Variants in PLEC observed in about 807,000 individuals in gnomAD.
PLEC encodes plectin, also known as hemidesmosomal protein 1.
A neutral mutation model predicts 392.8 loss-of-function variants in PLEC; 216 were observed. The observed-to-expected ratio is 0.55, with a 90% CI of 0.49 to 0.62. PLEC has a LOEUF of 0.62. Ranked by LOEUF, PLEC falls within the 20% of genes least tolerant of loss-of-function variation. PLEC has a pLI of 0.00. For missense variants in PLEC, 6,863 were observed against 6,563.4 expected (o/e 1.05, Z -1.58); for synonymous variants, 3,621 against 2,980.6 (o/e 1.21, Z -7.00).
chr8:143,943,808 C>T (rs1554730544), upstream of PLEC: 1 of 1,612,348 alleles, frequency 6.2e-7, no homozygotes, highest in Non-Finnish European at 8.5e-7. Context: ...CCGACGTCCC[C>T]TGCGCCAGTG....
At chr8:143,937,553 T>C in intron 3 of PLEC, 2 of 496,706 alleles carry the variant, frequency 4.0e-6, no homozygotes, top group South Asian at 2.0e-5. Context: ...TGCCTGGCGG[T>C]GGCAGCCACA....
chr8:143,929,006 A>C (rs926160507), intron 25 of PLEC, 97 bp downstream of exon 25: 1 of 1,138,164 alleles, frequency 8.8e-7, no homozygotes, highest in Non-Finnish European at 1.3e-6. Flanking sequence ...AACAGCCCCC[A>C]ACTCGTTCCC....
At chr8:143,936,135 A>C in intron 5 of PLEC, 121 bp from the exon 6 acceptor site, 2 of 1,138,278 alleles carry the variant, frequency 1.8e-6, no homozygotes, top group Non-Finnish European at 2.6e-6. Flanking sequence ...TGGGGCCACC[A>C]AACCAGCCAG....
Position 143,922,826 on chromosome 8 carries a change from A to T in PLEC, c.7103T>A (p.Leu2368Gln). The T allele has an allele frequency of 6.3e-7, 1 of 1,584,166 alleles. No homozygotes were observed. Among genetic ancestry groups the T allele is most frequent in the Non-Finnish European group, 8.6e-7 (1 of 1,167,686 alleles). The change falls in exon 31 of 32, where the codon CTG (leucine) becomes CAG (glutamine). Residue 2368 changes from leucine (L) to glutamine (Q), a missense_variant. Physicochemically the swap from Leu to Gln is moderately radical, Grantham distance 113. Coordinates refer to ENST00000345136, the MANE Select transcript of PLEC (RefSeq NM_201384.3). Reference sequence around the variant, plus strand: ...CAGCTGCCGCTGCCGCTCGGCCTCCAGCGTCCGCTGGAAGCCCTGCGTCTC... The same window carrying T: ...CAGCTGCCGCTGCCGCTCGGCCTCCTGCGTCCGCTGGAAGCCCTGCGTCTC... The part of the protein sequence containing the change: ...AEETQGFQRT[L>Q]EAERQRQLEM...
At chr8:143,927,385 C>G in intron 27 of PLEC, 25 bp downstream of exon 27, 2 of 1,608,704 alleles carry the variant, frequency 1.2e-6, no homozygotes, top group Middle Eastern at 1.7e-4. Context: ...GCCCAGCCGC[C>G]CCGTCCCCAC....
Position 143,932,690 on chromosome 8 carries a change from C to T in PLEC, c.1760G>A (p.Arg587Gln), listed in dbSNP as rs200259757. Residue 587 changes from arginine (R) to glutamine (Q), a missense_variant, in exon 15 of 32, where the codon CGG becomes CAG. Transcript: ENST00000345136. ...SDEGQLSPAT[R>Q]GAYRDCLGRL... ...ACCCAGGCAGTCACGGTAGGCACCC[C>T]GGGTGGCGGGGGAGAGCTGGCCCTG... The T allele has an allele frequency of 1.4e-4, 220 of 1,608,132 alleles. No homozygotes were observed. Among genetic ancestry groups the T allele is most frequent in the Admixed American group, 7.4e-4 (44 of 59,432 alleles).
chr8:143,972,257 G>C (rs1006598304), intron 1 of PLEC, among the ~76,000 whole-genome samples: 1 of 152,228 alleles, frequency 6.6e-6, no homozygotes, highest in South Asian at 2.1e-4. Context: ...AGGCAGGGCC[G>C]GCCATGTAGA....
chr8:143,951,189 AAAG>A (rs1832109768), upstream of PLEC, among the ~76,000 whole-genome samples: 1 of 152,078 alleles, frequency 6.6e-6, no homozygotes, highest in Non-Finnish European at 1.5e-5. Flanking sequence ...CCAAGAGTCT[AAAG>A]AAGAGGGTGG....
rs1554716783 is a variant in PLEC, at chr8:143,932,388, G to T, written c.1977+12C>A. ...GGGCTGTGGGGTTCAGGGCAGCTGGGCCACCGCTCACCGAGTAGCTCTCCT... is the reference window on the plus strand; with the variant it reads ...GGGCTGTGGGGTTCAGGGCAGCTGGTCCACCGCTCACCGAGTAGCTCTCCT... On this transcript the variant is annotated intron_variant, in intron 16 of 31. Coordinates refer to ENST00000345136, the MANE Select transcript of PLEC (RefSeq NM_201384.3). 1.2e-6 allele frequency: 2 copies of T among 1,612,510 alleles called. No homozygotes were observed. Among genetic ancestry groups the T allele is most frequent in the Non-Finnish European group, 8.5e-7 (1 of 1,179,920 alleles).
Position 143,918,286 on chromosome 8 carries a change from G to C in PLEC, c.11535C>G (p.Ser3845Arg), listed in dbSNP as rs1821252120. The C allele has an allele frequency of 6.3e-7, 1 of 1,593,178 alleles. No homozygotes were observed. The highest frequency in any genetic ancestry group is 8.5e-7 in the Non-Finnish European group (1 of 1,177,210). ...DQLSEPSEVRSYVDPSTDERL... is the reference protein window; with the variant it reads ...DQLSEPSEVRRYVDPSTDERL... The stretch of plus-strand genomic sequence containing the variant: ...GCTCGTCGGTGGACGGGTCCACGTA[G>C]CTGCGCACCTCGCTGGGCTCTGACA... Residue 3845 changes from serine (S) to arginine (R), a missense_variant, in exon 32 of 32, where the codon AGC becomes AGG. Physicochemically the swap from Ser to Arg is moderately radical, Grantham distance 110. Coordinates refer to ENST00000345136, the MANE Select transcript of PLEC (RefSeq NM_201384.3).
chr8:143,932,303 C>T (rs1043130938), intron 16 of PLEC, 69 bp from the exon 17 acceptor site: 13 of 1,607,234 alleles, frequency 8.1e-6, no homozygotes, highest in East Asian at 2.2e-5. Context: ...CCAGCAAACT[C>T]GACCCAGGGC....
intron 1 of PLEC, among the ~76,000 whole-genome samples, chr8:143,961,625 C>T (rs1294036298): frequency 2.6e-5 from 4 of 152,162 alleles, no homozygotes; most frequent in East Asian, 1.9e-4. Flanking sequence ...AATTAAACTC[C>T]GTGTCCTAGG....
rs1554743366 is a variant in PLEC, at chr8:143,969,180, G to T, written c.70+4223C>A. ...ACCACGGAACCGACTCCAGCGGGGGGAGGGTGAGGTGCTGATGGCGCGGCG... is the reference window on the plus strand; with the variant it reads ...ACCACGGAACCGACTCCAGCGGGGGTAGGGTGAGGTGCTGATGGCGCGGCG... On this transcript the variant is annotated intron_variant, in intron 1 of 31. Coordinates refer to the PLEC transcript ENST00000356346. This position sits in a 1 kb window ranked among gnomAD's most constrained non-coding sequence, Gnocchi z 5.1. Among the ~76,000 whole-genome samples the T allele has an allele frequency of 6.6e-6, 1 of 152,214 alleles. No homozygotes were observed. The highest frequency in any genetic ancestry group is 6.5e-5 in the Admixed American group (1 of 15,282).
In PLEC at chr8:143,923,860, G is replaced by C. The variant is rs376365984; in HGVS notation, c.6069C>G (p.Arg2023=). 2.7e-3 allele frequency: 4,290 copies of C among 1,590,638 alleles called. 8 individuals carry two copies. Among genetic ancestry groups the C allele is most frequent in the Non-Finnish European group, 3.4e-3 (4,013 of 1,176,366 alleles). Residue 2023 remains arginine, a synonymous_variant, in exon 31 of 32, where the codon CGC becomes CGG. Transcript: ENST00000345136. ...RLKAKVEEAR[R]LRERAEQESA... ...ACTCCTGCTCCGCTCGCTCCCGCAG[G>C]CGCCGCGCCTCCTCCACCTTGGCTT... is the stretch of plus-strand genomic sequence containing the variant.
upstream of PLEC, among the ~76,000 whole-genome samples, chr8:143,951,398 G>A (rs991569682): frequency 3.3e-5 from 5 of 152,100 alleles, no homozygotes; most frequent in Admixed American, 1.3e-4. Flanking sequence ...CGAGGGGAGC[G>A]GCTGGGGGCA....
chr8:143,948,146 C>T (rs1831712788), intron 1 of PLEC, among the ~76,000 whole-genome samples: 1 of 152,250 alleles, frequency 6.6e-6, no homozygotes. Context: ...CACCCAGGGA[C>T]AAGCAGACCA....
In PLEC at chr8:143,934,334, G is replaced by C. The variant is rs782439302; in HGVS notation, c.1153C>G (p.Arg385Gly). The C allele has an allele frequency of 6.2e-7, 1 of 1,612,346 alleles. No individual in the cohort carries two copies. The highest frequency in any genetic ancestry group is 8.5e-7 in the Non-Finnish European group (1 of 1,179,928). Reference sequence around the variant, plus strand: ...CCCACCCACCTCTCAAACTCGCTGCGGAGCTGCTTCTCCCGCTCCAGGATG... The same window carrying C: ...CCCACCCACCTCTCAAACTCGCTGCCGAGCTGCTTCTCCCGCTCCAGGATG... Reference protein sequence around the residue: ...VAILEREKQLRSEFERLECLQ... With the variant: ...VAILEREKQLGSEFERLECLQ... Residue 385 changes from arginine to glycine, a missense_variant, in exon 11 of 32, where the codon CGC becomes GGC. Coordinates refer to ENST00000345136, the MANE Select transcript of PLEC (RefSeq NM_201384.3).
At position 143,934,224 on chromosome 8, in the gene PLEC, TC is replaced by T. The variant is rs1212282226; in HGVS notation, c.1169+93del. ...TCCTAAGGCGAGTGGGAGCTTGGGT[TC>T]CCCCGCCGGGGGCGGGGCGGGGAGG... On this transcript the variant is annotated intron_variant, in intron 11 of 31. Coordinates refer to ENST00000345136, the MANE Select transcript of PLEC (RefSeq NM_201384.3). 38 of 1,593,266 alleles carry T rather than the reference TC, an allele frequency of 2.4e-5. No individual in the cohort carries two copies. The Admixed American group carries it at 2.8e-4, about 12-fold the overall frequency.
At chr8:143,957,982 C>T (rs988978723), upstream of PLEC, among the ~76,000 whole-genome samples, 5 of 152,294 alleles carry the variant, frequency 3.3e-5, no homozygotes, top group Admixed American at 2.6e-4. Context: ...CCCAGGGAGA[C>T]CAGGCCCAGT....
Sources: allele counts gnomAD v4.1 joint callset (sites outside exome capture counted in the v4.1 genomes callset), GRCh38; gene constraint gnomAD v4.1.1; non-coding constraint Gnocchi (gnomAD v3.1); transcripts MANE v1.5; gene names NCBI Gene and HGNC (gene_info 2026-07-23, HGNC 2026-07-21).